PTPRN2: variants seen among roughly 807,000 people sequenced by gnomAD.
The protein encoded by PTPRN2 is protein tyrosine phosphatase receptor type N2, also known as receptor-type tyrosine-protein phosphatase N2.
A neutral mutation model predicts 118.8 loss-of-function variants in PTPRN2; 74 were observed. The ratio of observed to expected loss-of-function variants is 0.62; its 90% CI spans 0.52 to 0.76. The LOEUF (loss-of-function observed/expected upper bound fraction) is 0.76, where lower values mean the gene tolerates loss of function less well. Among genes scored for constraint, PTPRN2 ranks in the 30% least tolerant of loss-of-function variants. PTPRN2 has a pLI of 0.00. For missense variants in PTPRN2, 1,481 were observed against 1,394.4 expected, an observed-to-expected ratio of 1.06 and a Z score of -0.99; for synonymous variants, 641 against 608.0, an observed-to-expected ratio of 1.05 and a Z score of -0.80.
At chr7:158,138,537 C>G in intron 6 of PTPRN2, 22 bp from the exon 7 acceptor site, 1 of 1,601,752 alleles carries the variant, frequency 6.2e-7, no homozygotes, top group Non-Finnish European at 8.5e-7. Context: ...CACACAAACA[C>G]AAGGACGTTG....
chr7:157,554,540 C>T (rs193142635), intron 21 of PTPRN2, among the ~76,000 whole-genome samples: 19 of 152,310 alleles, frequency 1.2e-4, no homozygotes, highest in African/African-American at 4.6e-4. Context: ...TTAAAGCCTC[C>T]ACTGCATAGA....
At chr7:158,341,350 A>C (rs1444112447) in intron 2 of PTPRN2, among the ~76,000 whole-genome samples, 1 of 149,266 alleles carries the variant, frequency 6.7e-6, no homozygotes. Flanking sequence ...CTCTCACCAT[A>C]AGAGGTAACA....
rs1489890949 is a variant in PTPRN2, at chr7:157,784,475, G to A, written c.1789-101538C>T. Among the ~76,000 whole-genome samples the A allele has an allele frequency of 2.0e-5, 3 of 152,222 alleles. No homozygotes were observed. ...AGCCTCACCTGCAAAAGCTGTGGCT[G>A]CGGGAACCTTCCTGCCCTGCAGGAA... On this transcript the variant is annotated intron_variant, in intron 12 of 22. Transcript: ENST00000389418. The surrounding 1 kb of genome is among the most constrained non-coding windows in gnomAD (Gnocchi z 4.6).
At chr7:157,993,697 C>A (rs1191135358) in intron 11 of PTPRN2, among the ~76,000 whole-genome samples, 1 of 152,174 alleles carries the variant, frequency 6.6e-6, no homozygotes, top group African/African-American at 2.4e-5. Flanking sequence ...TGGAGAGCCA[C>A]CCCCAACCCA....
rs992907617 is a variant in PTPRN2 at position 157,801,410 on chromosome 7, C to T, written c.1788+97263G>A. ...TTATTCACGGAGAGGCTCTGCATCA[C>T]GAGAGTGCTGCGTTAACCCAGGTGC... is the stretch of plus-strand genomic sequence containing the variant. On this transcript the variant is annotated intron_variant, in intron 12 of 22. Transcript: ENST00000389418. The surrounding 1 kb of genome is among the most constrained non-coding windows in gnomAD (Gnocchi z 4.2). 2.0e-5 allele frequency among the ~76,000 whole-genome samples: 3 copies of T among 152,102 alleles called. No individual in the cohort carries two copies. Among genetic ancestry groups the T allele is most frequent in the Admixed American group, 1.3e-4 (2 of 15,258 alleles).
Position 158,060,854 on chromosome 7 carries a change from A to G in PTPRN2, c.1723+20444T>C, listed in dbSNP as rs115409993. Among the ~76,000 whole-genome samples, 458 of 152,368 alleles carry G rather than the reference A, an allele frequency of 3.0e-3. 1 individual carries two copies. Among genetic ancestry groups the G allele is most frequent in the African/African-American group, 0.011 (445 of 41,598 alleles). Reference sequence around the variant, plus strand: ...AGAAGGATGGCCTGGAGGGATGAAGAAGGACCTTTCAAGGCTTTTTGTTTG... The same window carrying G: ...AGAAGGATGGCCTGGAGGGATGAAGGAGGACCTTTCAAGGCTTTTTGTTTG... On this transcript the variant is annotated intron_variant, in intron 11 of 22. Coordinates refer to ENST00000389418, the MANE Select transcript of PTPRN2 (RefSeq NM_002847.5).
intron 3 of PTPRN2, among the ~76,000 whole-genome samples, chr7:158,275,324 C>A (rs1452814697): frequency 6.6e-6 from 1 of 152,186 alleles, no homozygotes; most frequent in African/African-American, 2.4e-5. Flanking sequence ...AAGGCGCGCA[C>A]CTCCTCACGC....
intron 9 of PTPRN2, among the ~76,000 whole-genome samples, chr7:158,131,214 AC>A (rs1172672213): frequency 1.3e-5 from 2 of 151,992 alleles, no homozygotes; most frequent in East Asian, 3.9e-4. Flanking sequence ...ATATACACAC[AC>A]GTACATACAC....
Position 158,428,828 on chromosome 7 carries a change from T to C in PTPRN2, c.163+60907A>G, listed in dbSNP as rs111975529. ...CTTACTCGCTTCTTTCAGGGTCTTTTCCAATAAAGACAGCTATTTTTCATG... is the reference window on the plus strand; with the variant it reads ...CTTACTCGCTTCTTTCAGGGTCTTTCCCAATAAAGACAGCTATTTTTCATG... On this transcript the variant is annotated intron_variant, in intron 2 of 22. Coordinates refer to ENST00000389418, the MANE Select transcript of PTPRN2 (RefSeq NM_002847.5). Among the ~76,000 whole-genome samples the C allele has an allele frequency of 1.5e-3, 226 of 152,280 alleles. 1 individual carries two copies. Among genetic ancestry groups the C allele is most frequent in the African/African-American group, 5.2e-3 (216 of 41,554 alleles).
At chr7:158,081,850 A>G (rs1470236729) in intron 10 of PTPRN2, among the ~76,000 whole-genome samples, 1 of 152,230 alleles carries the variant, frequency 6.6e-6, no homozygotes, top group African/African-American at 2.4e-5. Context: ...AACAACTGGC[A>G]GGGAATTGCT....
intron 5 of PTPRN2, among the ~76,000 whole-genome samples, chr7:158,191,082 A>C (rs889793651): frequency 1.3e-5 from 2 of 152,244 alleles, no homozygotes; most frequent in Non-Finnish European, 2.9e-5. Context: ...AGGTTCCAGG[A>C]AGCCCCTAAG....
intron 11 of PTPRN2, among the ~76,000 whole-genome samples, chr7:158,006,346 T>C (rs1204908688): frequency 6.6e-6 from 1 of 152,256 alleles, no homozygotes; most frequent in East Asian, 1.9e-4. Context: ...TGTTTGCTCC[T>C]CCATGGTGGT....
At chr7:158,333,624 C>A (rs1804954129) in intron 2 of PTPRN2, among the ~76,000 whole-genome samples, 1 of 151,630 alleles carries the variant, frequency 6.6e-6, no homozygotes, top group South Asian at 2.1e-4. Flanking sequence ...AGAGGTGACA[C>A]CTACAGACAT....
intron 11 of PTPRN2, among the ~76,000 whole-genome samples, chr7:157,923,742 A>C (rs1348019622): frequency 6.6e-6 from 1 of 152,330 alleles, no homozygotes; most frequent in South Asian, 2.1e-4. Context: ...TTCCTGAGAT[A>C]AAGAGAAATC....
chr7:157,582,792 T>G (rs1036580040), intron 17 of PTPRN2, among the ~76,000 whole-genome samples: 2 of 151,672 alleles, frequency 1.3e-5, no homozygotes, highest in East Asian at 1.9e-4. Context: ...GAGAACCTCT[T>G]GAACCTAGGA....
intron 11 of PTPRN2, among the ~76,000 whole-genome samples, chr7:158,037,986 G>A (rs570472378): frequency 3.3e-5 from 5 of 152,176 alleles, no homozygotes; most frequent in African/African-American, 9.6e-5. Context: ...CTAACCTCCC[G>A]CTTTGGGTCT....
chr7:158,568,941 C>T (rs117725585), intron 1 of PTPRN2, among the ~76,000 whole-genome samples: 2,386 of 152,252 alleles, frequency 0.016, 45 homozygotes, highest in Middle Eastern at 0.027. Context: ...GTCTGGTCAA[C>T]ATAGTGAGAC....
intron 2 of PTPRN2, among the ~76,000 whole-genome samples, chr7:158,421,819 T>C (rs1009975420): frequency 1.3e-5 from 2 of 152,242 alleles, no homozygotes; most frequent in African/African-American, 2.4e-5. Context: ...TTAAAAGTAG[T>C]GACCAAACCT....
chr7:158,377,252 A>G (rs1810612951), intron 2 of PTPRN2, among the ~76,000 whole-genome samples: 2 of 151,490 alleles, frequency 1.3e-5, no homozygotes, highest in Admixed American at 1.3e-4. Context: ...GAGGGGGGTC[A>G]GGGGACTCCC....
Sources: gnomAD v4.1 joint callset for allele counts (sites outside exome capture counted in the v4.1 genomes callset) on GRCh38, gnomAD v4.1.1 for gene constraint, Gnocchi (gnomAD v3.1) non-coding constraint, MANE v1.5 for transcripts, NCBI Gene and HGNC (gene_info 2026-07-23, HGNC 2026-07-21) for gene names.